Variants in COTL1 observed in about 807,000 individuals in gnomAD.
The protein encoded by COTL1 is coactosin-like protein.
A neutral mutation model predicts 16.5 loss-of-function variants in COTL1; 15 were observed. The observed-to-expected ratio is 0.91, with a 90% CI of 0.61 to 1.40. The LOEUF is 1.40. Among genes scored for constraint, COTL1 ranks in the 40% most tolerant of loss-of-function variants. COTL1 has a pLI of 0.00. For synonymous variants in COTL1, 112 were observed against 85.3 expected, an observed-to-expected ratio of 1.31 and a Z score of -1.73; for missense variants, 220 against 201.5, an observed-to-expected ratio of 1.09 and a Z score of -0.56.
chr16:84,599,170 C>G (rs544951572), intron 2 of COTL1, among the ~76,000 whole-genome samples: 16 of 148,774 alleles, frequency 1.1e-4, no homozygotes, highest in Non-Finnish European at 2.2e-4. Context: ...AGTGTTCTCA[C>G]CAGGGCGGCC....
intron 3 of COTL1, among the ~76,000 whole-genome samples, chr16:84,571,331 T>C (rs551221873): frequency 6.6e-6 from 1 of 152,346 alleles, no homozygotes. Context: ...GGGCTCCCTC[T>C]GGGCCTTAGT....
chr16:84,582,313 A>G (rs1197117728), intron 3 of COTL1, among the ~76,000 whole-genome samples: 1 of 151,834 alleles, frequency 6.6e-6, no homozygotes, highest in African/African-American at 2.4e-5. Flanking sequence ...AATTTTTAAA[A>G]ATTATGTTAA....
At chr16:84,607,801 A>T (rs1053139170) in intron 2 of COTL1, among the ~76,000 whole-genome samples, 2 of 152,128 alleles carry the variant, frequency 1.3e-5, no homozygotes, top group Non-Finnish European at 2.9e-5. Context: ...AAAGGACTCA[A>T]CTCAGTACTT....
rs748270558 is a variant in COTL1, at chr16:84,590,239, C to T, written c.184G>A (p.Val62Met). 1.1e-5 allele frequency: 18 copies of T among 1,613,840 alleles called. No homozygotes were observed. Among genetic ancestry groups the T allele is most frequent in the East Asian group, 2.2e-5 (1 of 44,900 alleles). The change falls in exon 3 of 4, where the codon GTG becomes ATG. Residue 62 changes from valine to methionine, a missense_variant. Physicochemically the swap from Val to Met is conservative, Grantham distance 21. Coordinates refer to ENST00000262428, the MANE Select transcript of COTL1 (RefSeq NM_021149.5). This position sits in a 1 kb window ranked among gnomAD's most constrained non-coding sequence, Gnocchi z 5.5. ...CTDDVRLFAF[V>M]RFTTGDAMSK... ...ATGGCATCCCCGGTGGTGAAGCGCA[C>T]GAAGGCAAACAACCGGACGTCATCT...
intron 2 of COTL1, among the ~76,000 whole-genome samples, chr16:84,615,222 C>G (rs947499828): frequency 6.6e-6 from 1 of 152,256 alleles, no homozygotes; most frequent in Non-Finnish European, 1.5e-5. Flanking sequence ...AAAGAAAGCA[C>G]TGCAGCTGAA....
At chr16:84,617,123 C>T (rs921273263) in intron 2 of COTL1, among the ~76,000 whole-genome samples, 1 of 152,176 alleles carries the variant, frequency 6.6e-6, no homozygotes, top group African/African-American at 2.4e-5. Flanking sequence ...TTCCAAGCAG[C>T]CCCCTAGCCT....
chr16:84,581,164 A>ATGTATGT (rs1391540848), intron 3 of COTL1, among the ~76,000 whole-genome samples: 2,405 of 146,986 alleles, frequency 0.016, 73 homozygotes, highest in African/African-American at 0.054. Context: ...CAAACAAATA[A>ATGTATGT]ATATATGTAT....
chr16:84,614,990 T>C (rs969044577), intron 2 of COTL1, among the ~76,000 whole-genome samples: 3 of 152,172 alleles, frequency 2.0e-5, no homozygotes, highest in Admixed American at 6.5e-5. Flanking sequence ...ATCTGTAGAA[T>C]AGGAGTAACC....
At chr16:84,588,528 TCTCACTCAGTCTGACTACA>T (rs1904787085) in intron 3 of COTL1, among the ~76,000 whole-genome samples, 2 of 152,146 alleles carry the variant, frequency 1.3e-5, no homozygotes, top group South Asian at 2.1e-4. Context: ...TGCAACAGGG[TCTCACTCAGTCTGACTACA>T]CTCACTCAGT....
chr16:84,588,487 G>T (rs1358077638), intron 3 of COTL1, among the ~76,000 whole-genome samples: 2 of 152,102 alleles, frequency 1.3e-5, no homozygotes, highest in African/African-American at 4.8e-5. Flanking sequence ...GCACATTGCA[G>T]ATAGCCTATT....
intron 2 of COTL1, among the ~76,000 whole-genome samples, chr16:84,602,979 G>A (rs144038530): frequency 2.6e-5 from 4 of 152,272 alleles, no homozygotes; most frequent in African/African-American, 4.8e-5. Flanking sequence ...CACCAAGAAC[G>A]GTAGCCCAGA....
At chr16:84,595,506 G>C (rs1433664250) in intron 2 of COTL1, 1 of 152,198 alleles carries the variant, frequency 6.6e-6, no homozygotes, top group Non-Finnish European at 1.5e-5. Context: ...GGCAGTGGAA[G>C]GGGAATCGCT....
intron 2 of COTL1, among the ~76,000 whole-genome samples, chr16:84,602,935 G>A (rs368267444): frequency 1.5e-4 from 23 of 152,138 alleles, no homozygotes; most frequent in African/African-American, 4.6e-4. Context: ...TGATGCCTGC[G>A]TAACAAGGAA....
At chr16:84,598,726 A>C (rs1022095173) in intron 2 of COTL1, among the ~76,000 whole-genome samples, 1 of 142,964 alleles carries the variant, frequency 7.0e-6, no homozygotes, top group African/African-American at 2.6e-5. Flanking sequence ...GAGGGGGTAA[A>C]GGAGAGACAG....
chr16:84,582,705 A>C (rs1433560780), intron 3 of COTL1, among the ~76,000 whole-genome samples: 1 of 152,222 alleles, frequency 6.6e-6, no homozygotes, highest in African/African-American at 2.4e-5. Flanking sequence ...CCAGGCATCA[A>C]AATGGAGAAG....
chr16:84,573,606 C>T (rs1461318594), intron 3 of COTL1, among the ~76,000 whole-genome samples: 6 of 152,052 alleles, frequency 3.9e-5, no homozygotes, highest in Non-Finnish European at 5.9e-5. Context: ...GAAACCCCAT[C>T]TCTACTAAAA....
At chr16:84,612,823 T>A (rs1405635778) in intron 2 of COTL1, among the ~76,000 whole-genome samples, 1 of 152,040 alleles carries the variant, frequency 6.6e-6, no homozygotes, top group Non-Finnish European at 1.5e-5. Flanking sequence ...TCATTTTAGG[T>A]GCATTACTTC....
chr16:84,611,641 G>A (rs546445857), intron 2 of COTL1, among the ~76,000 whole-genome samples: 4 of 152,108 alleles, frequency 2.6e-5, no homozygotes, highest in Non-Finnish European at 5.9e-5. Flanking sequence ...CCCATATGTC[G>A]AATGAATTAA....
chr16:84,617,414 C>T lies in COTL1; in HGVS notation c.160+87G>A. 1.1e-5 allele frequency: 14 copies of T among 1,283,630 alleles called. No individual in the cohort carries two copies. In the South Asian group the frequency reaches 1.7e-4, roughly 15 times the overall value. The allele number at this position is 1,283,630 out of a possible 1,614,324, so 79.5% of individuals were successfully genotyped here. On this transcript the variant is annotated intron_variant, in intron 2 of 3. Transcript: ENST00000262428. ...GGGGCACCCCATGTGGCCACCGGTT[C>T]CTCCCGGGTTCGCTCTGGCCGGGGC...
Sources: gnomAD v4.1 joint callset for allele counts (sites outside exome capture counted in the v4.1 genomes callset) on GRCh38, gnomAD v4.1.1 for gene constraint, Gnocchi (gnomAD v3.1) non-coding constraint, MANE v1.5 for transcripts, NCBI Gene and HGNC (gene_info 2026-07-23, HGNC 2026-07-21) for gene names.